AUTS2: variants seen among roughly 807,000 people sequenced by gnomAD.
AUTS2 encodes activator of transcription and developmental regulator AUTS2.
A neutral mutation model predicts 112.4 loss-of-function variants in AUTS2; 17 were observed. The ratio of observed to expected loss-of-function variants is 0.15; its 90% CI spans 0.10 to 0.23. The LOEUF (loss-of-function observed/expected upper bound fraction) is 0.23. AUTS2 is among the 10% of genes least tolerant of loss of function. The pLI is 1.00. For missense variants in AUTS2, 1,510 were observed against 1,701.6 expected (o/e 0.89, Z 1.98); for synonymous variants, 751 against 702.7 (o/e 1.07, Z -1.09).
chr7:70,590,122 TTGTGTGTGTG>T (rs55775984), intron 5 of AUTS2, among the ~76,000 whole-genome samples: 11 of 143,500 alleles, frequency 7.7e-5, no homozygotes, highest in Admixed American at 4.9e-4. Flanking sequence ...GTTTTTGCAT[TTGTGTGTGTG>T]TGTGTGTGTG....
chr7:70,344,007 G>C (rs1305593752), intron 4 of AUTS2, among the ~76,000 whole-genome samples: 1 of 152,092 alleles, frequency 6.6e-6, no homozygotes, highest in East Asian at 1.9e-4. Context: ...CAGCATTAGG[G>C]TGAGGCCAGA....
intron 6 of AUTS2, among the ~76,000 whole-genome samples, chr7:70,750,315 C>T (rs1193817501): frequency 6.8e-6 from 1 of 147,534 alleles, no homozygotes; most frequent in Non-Finnish European, 1.5e-5. Context: ...AGGATAAACT[C>T]GACAGATGGA....
At chr7:70,307,082 C>T (rs1789526798) in intron 4 of AUTS2, among the ~76,000 whole-genome samples, 1 of 152,138 alleles carries the variant, frequency 6.6e-6, no homozygotes, top group Non-Finnish European at 1.5e-5. Context: ...ATAGAAAATA[C>T]TATTGACTAT....
At chr7:70,380,153 C>G (rs1388127003) in intron 4 of AUTS2, among the ~76,000 whole-genome samples, 1 of 152,174 alleles carries the variant, frequency 6.6e-6, no homozygotes, top group East Asian at 1.9e-4. Context: ...CTATAAAACT[C>G]ACTTTTTCAT....
intron 1 of AUTS2, among the ~76,000 whole-genome samples, chr7:69,706,697 T>G (rs1411549287): frequency 6.6e-6 from 1 of 152,258 alleles, no homozygotes. Flanking sequence ...CTTATGTCTT[T>G]TCTTTCCTTT....
At chr7:70,457,754 A>T (rs781671839) in intron 5 of AUTS2, among the ~76,000 whole-genome samples, 2 of 152,088 alleles carry the variant, frequency 1.3e-5, no homozygotes, top group Non-Finnish European at 2.9e-5. Flanking sequence ...GGTTTAAAAG[A>T]CTCAGGCTGC....
chr7:70,790,708 C>T lies in AUTS2; in HGVS notation c.3492C>T (p.His1164=), dbSNP rs765542129. The change falls in exon 19 of 19, where the codon CAC becomes CAT. Residue 1164 remains histidine, a synonymous_variant. Transcript: ENST00000342771. The surrounding 1 kb of genome is among the most constrained non-coding windows in gnomAD (Gnocchi z 7.6). Reference sequence around the variant, plus strand: ...ACATGCTCAGAGAAGACTACGAGCACACGCGGCTCCACTCCGTGCACCCCG... The same window carrying T: ...ACATGCTCAGAGAAGACTACGAGCATACGCGGCTCCACTCCGTGCACCCCG... ...RLHMLREDYE[H]TRLHSVHPAS... 1.5e-5 allele frequency: 25 copies of T among 1,613,656 alleles called. No individual in the cohort carries two copies. Among genetic ancestry groups the T allele is most frequent in the Non-Finnish European group, 1.9e-5 (22 of 1,179,976 alleles).
At chr7:70,068,890 CT>C (rs1004605170) in intron 2 of AUTS2, among the ~76,000 whole-genome samples, 1 of 152,194 alleles carries the variant, frequency 6.6e-6, no homozygotes, top group African/African-American at 2.4e-5. Context: ...GACTTTCAGT[CT>C]GTGAGACCTT....
intron 1 of AUTS2, among the ~76,000 whole-genome samples, chr7:69,629,440 T>C (rs12333508): frequency 0.71 from 108,314 of 152,036 alleles, 38,648 homozygotes; most frequent in East Asian, 0.78. Flanking sequence ...CTAGGGGTCA[T>C]ACAGGTAGCT....
chr7:70,565,147 A>C (rs1801656040), intron 5 of AUTS2, among the ~76,000 whole-genome samples: 1 of 152,170 alleles, frequency 6.6e-6, no homozygotes, highest in Non-Finnish European at 1.5e-5. Context: ...GTAATAGTTT[A>C]CCTTTATTAT....
chr7:70,463,365 C>T (rs1797047027), intron 5 of AUTS2, among the ~76,000 whole-genome samples: 1 of 152,220 alleles, frequency 6.6e-6, no homozygotes, highest in Non-Finnish European at 1.5e-5. Context: ...GCATAGTCTT[C>T]CCATTTGACA....
intron 1 of AUTS2, among the ~76,000 whole-genome samples, chr7:69,887,865 C>T (rs912854807): frequency 2.0e-5 from 3 of 152,104 alleles, no homozygotes; most frequent in Admixed American, 6.5e-5. Flanking sequence ...TCATTGGCCT[C>T]TTTCATTTTT....
intron 6 of AUTS2, among the ~76,000 whole-genome samples, chr7:70,760,615 G>C (rs1006610238): frequency 3.9e-5 from 6 of 152,228 alleles, no homozygotes; most frequent in African/African-American, 1.4e-4. Context: ...CACAGAGCTG[G>C]ATCCCTAACT....
intron 1 of AUTS2, among the ~76,000 whole-genome samples, chr7:69,684,132 A>G (rs1333325909): frequency 6.6e-6 from 1 of 152,144 alleles, no homozygotes; most frequent in Non-Finnish European, 1.5e-5. Context: ...GAGGAGAAGT[A>G]TTTTAACAGC....
At chr7:70,488,641 C>A (rs949542213) in intron 5 of AUTS2, among the ~76,000 whole-genome samples, 18 of 152,238 alleles carry the variant, frequency 1.2e-4, no homozygotes, top group African/African-American at 4.3e-4. Flanking sequence ...TCTCACTTTT[C>A]CTCATGGGCC....
chr7:69,600,428 T>TGA (rs59458767), intron 1 of AUTS2, among the ~76,000 whole-genome samples: 4,602 of 150,980 alleles, frequency 0.03, 79 homozygotes, highest in South Asian at 0.044. Flanking sequence ...TGTGTGTGTG[T>TGA]GTGTGTGTGT....
At chr7:70,673,152 G>A (rs1031735665) in intron 5 of AUTS2, among the ~76,000 whole-genome samples, 1 of 152,114 alleles carries the variant, frequency 6.6e-6, no homozygotes, top group African/African-American at 2.4e-5. Context: ...AACCCAACGC[G>A]AGTGACCTAC....
At chr7:70,344,682 G>A (rs1345285103) in intron 4 of AUTS2, among the ~76,000 whole-genome samples, 1 of 152,142 alleles carries the variant, frequency 6.6e-6, no homozygotes, top group African/African-American at 2.4e-5. Flanking sequence ...AGTTTATCAA[G>A]AATAAGCAAA....
chr7:70,028,974 T>A lies in AUTS2; in HGVS notation c.523-89158T>A, dbSNP rs191551905. On this transcript the variant is annotated intron_variant, in intron 2 of 18. Coordinates refer to ENST00000342771, the MANE Select transcript of AUTS2 (RefSeq NM_015570.4). Reference sequence around the variant, plus strand: ...CTAGCTACATAGGACTACTGAGTAATACTCCTCAAAGGCTCCCTCTCTTGG... The same window carrying A: ...CTAGCTACATAGGACTACTGAGTAAAACTCCTCAAAGGCTCCCTCTCTTGG... Among the ~76,000 whole-genome samples, 371 of 152,262 alleles carry A rather than the reference T, an allele frequency of 2.4e-3. 3 individuals are homozygous for A. The highest frequency in any genetic ancestry group is 4.4e-3 in the Non-Finnish European group (297 of 68,020).
Sources: gnomAD v4.1 joint callset for allele counts (sites outside exome capture counted in the v4.1 genomes callset) on GRCh38, gnomAD v4.1.1 for gene constraint, Gnocchi (gnomAD v3.1) non-coding constraint, MANE v1.5 for transcripts, NCBI Gene and HGNC (gene_info 2026-07-23, HGNC 2026-07-21) for gene names.